TERT: variants seen among roughly 807,000 people sequenced by gnomAD.
The protein encoded by TERT is telomerase catalytic subunit.
A neutral mutation model predicts 104.0 loss-of-function variants in TERT; 42 were observed. The ratio of observed to expected loss-of-function variants is 0.40; its 90% CI spans 0.32 to 0.52. The LOEUF (loss-of-function observed/expected upper bound fraction) is 0.52. Ranked by LOEUF, TERT falls within the 20% of genes least tolerant of loss-of-function variation. The pLI is 0.43. For synonymous variants in TERT, 781 were observed against 725.6 expected (o/e 1.08, Z -1.23); for missense variants, 1,101 against 1,610.3 (o/e 0.68, Z 5.41).
In TERT at chr5:1,264,266, G is replaced by C. The variant is rs993231492; in HGVS notation, c.2843+138C>G. 5 of 884,268 alleles carry C rather than the reference G, an allele frequency of 5.7e-6. No individual in the cohort carries two copies. The Admixed American group carries it at 1.0e-4, about 18-fold the overall frequency. The allele number at this position is 884,268 out of a possible 1,614,324, so 54.8% of individuals were successfully genotyped here. A position where few individuals can be genotyped will look rare whatever the true frequency, so the allele number is the denominator to read the frequency against. ...ATTTCTGCTCAGCCCCAGATGGGAC[G>C]AGGGGCACCCTGTGGCCTCTGACCC... On this transcript the variant is annotated intron_variant, in intron 11 of 15. Coordinates refer to ENST00000310581, the MANE Select transcript of TERT (RefSeq NM_198253.3).
At position 1,290,217 on chromosome 5, in the gene TERT, C is replaced by T. The variant is rs548166886; in HGVS notation, c.1573+3096G>A. ...TACACGTGACAGTGACACCCGGGGA[C>T]CGCGCCTCACTCACCCTACACGTGA... On this transcript the variant is annotated intron_variant, in intron 2 of 15. Transcript: ENST00000310581. 6.6e-3 allele frequency among the ~76,000 whole-genome samples: 424 copies of T among 64,600 alleles called. 29 individuals carry two copies. The highest frequency in any genetic ancestry group is 9.5e-3 in the Non-Finnish European group (344 of 36,376). The allele number at this position is 64,600 out of a possible 152,430, so 42.4% of individuals were successfully genotyped here. A position where few individuals can be genotyped will look rare whatever the true frequency, so the allele number is the denominator to read the frequency against.
rs184299124 is a variant in TERT at position 1,257,838 on chromosome 5, C to T, written c.3032+760G>A. ...CAAATGCTCACACTCCTTCTCAGCC[C>T]TCATGGGGCGAGGGCTTCGGCCTCC... is the stretch of plus-strand genomic sequence containing the variant. On this transcript the variant is annotated intron_variant, in intron 13 of 15. Transcript: ENST00000310581. This position sits in a 1 kb window ranked among gnomAD's most constrained non-coding sequence, Gnocchi z 5.6. Among the ~76,000 whole-genome samples, 6 of 152,344 alleles carry T rather than the reference C, an allele frequency of 3.9e-5. No homozygotes were observed. Among genetic ancestry groups the T allele is most frequent in the Non-Finnish European group, 7.3e-5 (5 of 68,028 alleles).
chr5:1,257,223 C>A lies in TERT; in HGVS notation c.3032+1375G>T, dbSNP rs1290476428. ...TACGGGAGCTCCTCGGAGCTAGAGA[C>A]CCTGGTGGGGAAATGAGGACAAGAC... On this transcript the variant is annotated intron_variant, in intron 13 of 15. Coordinates refer to ENST00000310581, the MANE Select transcript of TERT (RefSeq NM_198253.3). The surrounding 1 kb of genome is among the most constrained non-coding windows in gnomAD (Gnocchi z 5.6). Among the ~76,000 whole-genome samples the A allele has an allele frequency of 1.3e-5, 2 of 152,128 alleles. No individual in the cohort carries two copies. Among genetic ancestry groups the A allele is most frequent in the Non-Finnish European group, 2.9e-5 (2 of 68,014 alleles).
At chr5:1,279,077 G>A (rs200382623) in intron 5 of TERT, among the ~76,000 whole-genome samples, 207 of 152,336 alleles carry the variant, frequency 1.4e-3, no homozygotes, top group Admixed American at 6.3e-3. Flanking sequence ...GGGAATAGGA[G>A]CCCGGGCAGT....
At chr5:1,259,053 G>C (rs1320684983) in intron 12 of TERT, among the ~76,000 whole-genome samples, 1 of 150,544 alleles carries the variant, frequency 6.6e-6, no homozygotes, top group Non-Finnish European at 1.5e-5. Flanking sequence ...ACGCCCACAG[G>C]AGAGAGGGAA....
chr5:1,276,525 G>A (rs1348103065), intron 6 of TERT, among the ~76,000 whole-genome samples: 38 of 111,336 alleles, frequency 3.4e-4, no homozygotes, highest in Non-Finnish European at 5.4e-4. Context: ...CAATCCCACA[G>A]ATCCCCACCT....
intron 12 of TERT, among the ~76,000 whole-genome samples, chr5:1,260,061 G>C (rs1213537795): frequency 1.3e-5 from 2 of 152,186 alleles, no homozygotes; most frequent in Non-Finnish European, 2.9e-5. Flanking sequence ...AGCCCACCAA[G>C]GCCTGGGACC....
chr5:1,254,412 C>T lies in TERT; in HGVS notation c.3251G>A (p.Arg1084Gln), dbSNP rs765787352. The T allele has an allele frequency of 1.9e-5, 31 of 1,613,066 alleles. No homozygotes were observed. Among genetic ancestry groups the T allele is most frequent in the South Asian group, 5.5e-5 (5 of 91,088 alleles). Residue 1084 changes from arginine (R) to glutamine (Q), a missense_variant, in exon 15 of 16, where the codon CGA becomes CAA. Transcript: ENST00000310581. The part of the protein sequence containing the change: ...CHQAFLLKLT[R>Q]HRVTYVPLLG... ...GAGTGGCACGTAGGTGACACGGTGT[C>T]GAGTCAGCTTGAGCAGGAATGCTTG...
rs755904995 is a variant in TERT at position 1,255,276 on chromosome 5, C to A, written c.3157+11G>T. On this transcript the variant is annotated intron_variant, in intron 14 of 15. Transcript: ENST00000310581. This position sits in a 1 kb window ranked among gnomAD's most constrained non-coding sequence, Gnocchi z 6.9. ...GCACTGCTGCCACTGAGGCCAGGCA[C>A]CTGCACATACCTGCGTTCTTGGCTT... The A allele has an allele frequency of 6.2e-7, 1 of 1,613,230 alleles. No homozygotes were observed. The highest frequency in any genetic ancestry group is 8.5e-7 in the Non-Finnish European group (1 of 1,179,638).
intron 6 of TERT, among the ~76,000 whole-genome samples, chr5:1,275,394 A>C (rs576471447): frequency 5.4e-5 from 8 of 148,692 alleles, no homozygotes; most frequent in Non-Finnish European, 1.2e-4. Flanking sequence ...AAAAAAAAGA[A>C]AGAAAAAAAG....
Position 1,278,555 on chromosome 5 carries a change from A to G in TERT, c.2286+86T>C, listed in dbSNP as rs1749774831. 5 of 1,578,276 alleles carry G rather than the reference A, an allele frequency of 3.2e-6. No individual in the cohort carries two copies. In the South Asian group the frequency reaches 4.4e-5, roughly 14 times the overall value. On this transcript the variant is annotated intron_variant, in intron 6 of 15. Transcript: ENST00000310581. Reference sequence around the variant, plus strand: ...TCATGGAAGTACCTCCACCACAGAAACGCATCACAGACACGACTGCATTCT... The same window carrying G: ...TCATGGAAGTACCTCCACCACAGAAGCGCATCACAGACACGACTGCATTCT...
rs902889327 is a variant in TERT at position 1,288,646 on chromosome 5, G to A, written c.1573+4667C>T. Among the ~76,000 whole-genome samples, 3 of 152,162 alleles carry A rather than the reference G, an allele frequency of 2.0e-5. No homozygotes were observed. The highest frequency in any genetic ancestry group is 2.9e-5 in the Non-Finnish European group (2 of 68,038). On this transcript the variant is annotated intron_variant, in intron 2 of 15. Coordinates refer to ENST00000310581, the MANE Select transcript of TERT (RefSeq NM_198253.3). This position sits in a 1 kb window ranked among gnomAD's most constrained non-coding sequence, Gnocchi z 5.3. The stretch of plus-strand genomic sequence containing the variant: ...CAGCTTGGGAGAAAACAGGACAAGT[G>A]AGGGGGCTGGGGTGACTTGCTTTCC...
At chr5:1,289,877 G>T (rs1750767801) in intron 2 of TERT, among the ~76,000 whole-genome samples, 1 of 80,510 alleles carries the variant, frequency 1.2e-5, no homozygotes, top group African/African-American at 6.2e-5. Context: ...GGGACACCCG[G>T]GGGCCGCGCC....
intron 6 of TERT, among the ~76,000 whole-genome samples, chr5:1,275,413 C>A (rs4975605): frequency 0.42 from 62,596 of 149,290 alleles, 13,504 homozygotes; most frequent in Non-Finnish European, 0.47. Context: ...AGAAAGAAAG[C>A]AAGCCTCCAA....
rs1000676284 is a variant in TERT at position 1,292,969 on chromosome 5, G to A, written c.1573+344C>T. On this transcript the variant is annotated intron_variant, in intron 2 of 15. Coordinates refer to ENST00000310581, the MANE Select transcript of TERT (RefSeq NM_198253.3). This position sits in a 1 kb window ranked among gnomAD's most constrained non-coding sequence, Gnocchi z 5.5. ...CGAAGAGGATTATAGGTAACCTGCAGGCACCCTCGCCAGAGCGTCTGTGCT... is the reference window on the plus strand; with the variant it reads ...CGAAGAGGATTATAGGTAACCTGCAAGCACCCTCGCCAGAGCGTCTGTGCT... Among the ~76,000 whole-genome samples, 4 of 152,234 alleles carry A rather than the reference G, an allele frequency of 2.6e-5. No homozygotes were observed. The highest frequency in any genetic ancestry group is 7.2e-5 in the African/African-American group (3 of 41,468).
Position 1,263,938 on chromosome 5 carries a change from G to A in TERT, c.2843+466C>T, listed in dbSNP as rs1452037069. On this transcript the variant is annotated intron_variant, in intron 11 of 15. Coordinates refer to ENST00000310581, the MANE Select transcript of TERT (RefSeq NM_198253.3). This position sits in a 1 kb window ranked among gnomAD's most constrained non-coding sequence, Gnocchi z 5.3. ...CTGTAGACTGTGGATGAGCCTTGGA[G>A]TGTGGGGCTCACAGCGGAGAGACTC... Among the ~76,000 whole-genome samples the A allele has an allele frequency of 6.6e-6, 1 of 152,222 alleles. No individual in the cohort carries two copies. The highest frequency in any genetic ancestry group is 6.5e-5 in the Admixed American group (1 of 15,288).
intron 15 of TERT, among the ~76,000 whole-genome samples, chr5:1,254,129 G>A (rs1747539727): frequency 6.6e-6 from 1 of 152,196 alleles, no homozygotes; most frequent in Middle Eastern, 3.2e-3. Context: ...CAAGCGTGGG[G>A]AGCCATCGCC....
chr5:1,253,342 G>A lies in TERT; in HGVS notation c.*386C>T. 1 of 419,488 alleles carries A rather than the reference G, an allele frequency of 2.4e-6. No homozygotes were observed. The highest frequency in any genetic ancestry group is 4.1e-5 in the East Asian group (1 of 24,192). The allele number at this position is 419,488 out of a possible 1,614,324, so 26.0% of individuals were successfully genotyped here. A position where few individuals can be genotyped will look rare whatever the true frequency, so the allele number is the denominator to read the frequency against. The stretch of plus-strand genomic sequence containing the variant: ...AGGGTCCTTCTCAGGGTCTCCACCT[G>A]GATGGTGGGGGTGGAAGGCAAAGGA... On this transcript the variant is annotated 3_prime_UTR_variant, in exon 16 of 16. Transcript: ENST00000310581.
At chr5:1,293,260 C>T in intron 2 of TERT, 53 bp downstream of exon 2, 1 of 1,605,474 alleles carries the variant, frequency 6.2e-7, no homozygotes, top group Non-Finnish European at 8.5e-7. Flanking sequence ...TTTCTGAGCC[C>T]CTACTGCATT....
Sources: allele counts gnomAD v4.1 joint callset (sites outside exome capture counted in the v4.1 genomes callset), GRCh38; gene constraint gnomAD v4.1.1; non-coding constraint Gnocchi (gnomAD v3.1); transcripts MANE v1.5; gene names NCBI Gene and HGNC (gene_info 2026-07-23, HGNC 2026-07-21).